The following MCPH1 variants were observed in gnomAD, a reference collection of about 807,000 sequenced individuals.
MCPH1 encodes microcephalin 1.
Under a neutral mutation model 84.5 loss-of-function variants are expected in MCPH1, and 104 were observed. That is an observed-to-expected ratio of 1.23 (90% CI 1.05 to 1.45). The LOEUF is 1.45. Ranked by LOEUF, MCPH1 falls within the 40% of genes most tolerant of loss-of-function variation. The pLI is 0.00. For missense variants in MCPH1, 1,498 were observed against 1,005.7 expected (o/e 1.49, Z -6.62); for synonymous variants, 514 against 366.8 (o/e 1.40, Z -4.58).
rs541783426 is a variant in MCPH1, at chr8:6,454,283, G to A, written c.1826-860G>A. On this transcript the variant is annotated intron_variant, in intron 8 of 13. Coordinates refer to ENST00000344683, the MANE Select transcript of MCPH1 (RefSeq NM_024596.5). ...CCAGTGGGTAGATGATTAGCTATTT[G>A]TTAATCATTAGGTAATCAACAGTGC... is the stretch of plus-strand genomic sequence containing the variant. 3.3e-5 allele frequency among the ~76,000 whole-genome samples: 5 copies of A among 152,276 alleles called. 1 individual carries two copies. The South Asian group carries it at 1.0e-3, about 32-fold the overall frequency.
chr8:6,498,081 G>C (rs762550152), intron 11 of MCPH1, among the ~76,000 whole-genome samples: 1 of 152,194 alleles, frequency 6.6e-6, no homozygotes, highest in South Asian at 2.1e-4. Flanking sequence ...CACAGATGCA[G>C]TTCCTATTTA....
Position 6,439,045 on chromosome 8 carries a change from G to T in MCPH1, c.529G>T (p.Glu177Ter). The T allele has an allele frequency of 6.2e-7, 1 of 1,613,374 alleles. No individual in the cohort carries two copies. The highest frequency in any genetic ancestry group is 1.1e-5 in the South Asian group (1 of 91,064). ...TAATAGTAGGCACCACAGCGCAATG[G>T]AGAAGAGATTACAAGAGATGAAGGA... ...EINSRHHSAMEKRLQEMKEKR... is the reference protein window; with the variant it reads ...EINSRHHSAM The change falls in exon 6 of 14, where the codon GAG becomes TAG. Residue 177 changes from glutamate to a stop codon, truncating the protein, a stop_gained. Transcript: ENST00000344683. LOFTEE classifies it high-confidence loss of function.
chr8:6,604,479 C>T (rs561667259), intron 12 of MCPH1, among the ~76,000 whole-genome samples: 1 of 152,168 alleles, frequency 6.6e-6, no homozygotes, highest in South Asian at 2.1e-4. Flanking sequence ...TGTGAGAGCA[C>T]ATGTCAGAAT....
At chr8:6,523,509 T>A (rs1046798975) in intron 12 of MCPH1, among the ~76,000 whole-genome samples, 5 of 152,348 alleles carry the variant, frequency 3.3e-5, no homozygotes, top group South Asian at 4.1e-4. Flanking sequence ...GAGTAGAGAC[T>A]ATGTATTTGA....
intron 12 of MCPH1, among the ~76,000 whole-genome samples, chr8:6,552,630 G>T (rs1432334727): frequency 6.6e-6 from 1 of 152,102 alleles, no homozygotes; most frequent in Non-Finnish European, 1.5e-5. Flanking sequence ...TCCTGCAATT[G>T]TGTAGCATCT....
intron 3 of MCPH1, among the ~76,000 whole-genome samples, chr8:6,427,479 C>G (rs1348527412): frequency 6.6e-6 from 1 of 152,132 alleles, no homozygotes; most frequent in African/African-American, 2.4e-5. Context: ...TCAAGCAATC[C>G]TCCTGCCTCA....
intron 12 of MCPH1, among the ~76,000 whole-genome samples, chr8:6,597,314 C>G (rs1829003532): frequency 6.6e-6 from 1 of 152,146 alleles, no homozygotes; most frequent in Non-Finnish European, 1.5e-5. Flanking sequence ...CAAGCCCCAG[C>G]GTTTCCCACC....
chr8:6,643,011 AAGG>A lies in MCPH1; in HGVS notation c.2471_2473del (p.Lys824_Val825delinsIle). On this transcript the variant is annotated inframe_deletion, in exon 14 of 14. Transcript: ENST00000344683. ...CTCTCTAGATTCCATCACCCAGCAC[AAGG>A]TCTGTGCCCCTGAAAACTACCTATT... The A allele has an allele frequency of 6.2e-7, 1 of 1,614,160 alleles. No homozygotes were observed. The highest frequency in any genetic ancestry group is 1.3e-5 in the African/African-American group (1 of 75,056).
intron 3 of MCPH1, among the ~76,000 whole-genome samples, chr8:6,420,748 T>C (rs567737944): frequency 2.6e-5 from 4 of 152,226 alleles, no homozygotes; most frequent in Non-Finnish European, 5.9e-5. Context: ...TTGTTTCTTA[T>C]ACATAAGCAA....
chr8:6,588,625 T>G (rs1586725198), intron 12 of MCPH1, among the ~76,000 whole-genome samples: 2 of 152,246 alleles, frequency 1.3e-5, no homozygotes, highest in African/African-American at 4.8e-5. Context: ...TGTTAAACCG[T>G]GTCTCTGGCG....
intron 1 of MCPH1, among the ~76,000 whole-genome samples, chr8:6,409,031 C>T (rs558221101): frequency 3.9e-5 from 6 of 152,166 alleles, no homozygotes; most frequent in African/African-American, 1.2e-4. Context: ...ATTACAGGTG[C>T]CCGCCACCAT....
intron 13 of MCPH1, among the ~76,000 whole-genome samples, chr8:6,640,373 A>G (rs555948697): frequency 7.2e-5 from 11 of 152,104 alleles, no homozygotes; most frequent in Non-Finnish European, 1.5e-4. Flanking sequence ...CCAGTACTGG[A>G]CATAACCCAT....
intron 2 of MCPH1, among the ~76,000 whole-genome samples, chr8:6,413,541 T>G (rs887589277): frequency 2.0e-5 from 3 of 151,906 alleles, no homozygotes; most frequent in Admixed American, 1.3e-4. Flanking sequence ...CTGTTGGATC[T>G]CCTGGTCTGA....
intron 12 of MCPH1, chr8:6,501,180 G>C (rs1812106888): frequency 6.6e-6 from 1 of 152,202 alleles, no homozygotes; most frequent in Non-Finnish European, 1.5e-5. Context: ...ACAGAGCCTT[G>C]ACTTTGCCAG....
intron 12 of MCPH1, among the ~76,000 whole-genome samples, chr8:6,571,177 T>C (rs1586671462): frequency 6.6e-6 from 1 of 152,228 alleles, no homozygotes; most frequent in African/African-American, 2.4e-5. Context: ...GTGGATACAA[T>C]TGTAAAACAA....
At chr8:6,435,986 G>T in intron 4 of MCPH1, 62 bp from the exon 5 acceptor site, 1 of 1,592,670 alleles carries the variant, frequency 6.3e-7, no homozygotes, top group Non-Finnish European at 8.5e-7. Flanking sequence ...ATGCGAAAGG[G>T]CTTTTTCTCC....
chr8:6,633,542 C>G (rs1797316685), intron 13 of MCPH1, among the ~76,000 whole-genome samples: 1 of 152,148 alleles, frequency 6.6e-6, no homozygotes, highest in African/African-American at 2.4e-5. Flanking sequence ...AAATTCCACA[C>G]CTGACCTCAT....
At chr8:6,436,535 T>C (rs1802662519) in intron 5 of MCPH1, among the ~76,000 whole-genome samples, 1 of 152,256 alleles carries the variant, frequency 6.6e-6, no homozygotes, top group Middle Eastern at 3.4e-3. Flanking sequence ...TTTGTTACCC[T>C]GAATAGGCAA....
At chr8:6,638,033 GAGCAGTGGTTTATTCAGTCTGCAGA>G (rs1200055799) in intron 13 of MCPH1, among the ~76,000 whole-genome samples, 2 of 152,188 alleles carry the variant, frequency 1.3e-5, no homozygotes, top group Non-Finnish European at 2.9e-5. Flanking sequence ...AGCACGGAAG[GAGCAGTGGTTTATTCAGTCTGCAGA>G]AGCAGTGCCT....
Sources: allele counts gnomAD v4.1 joint callset (sites outside exome capture counted in the v4.1 genomes callset), GRCh38; gene constraint gnomAD v4.1.1; transcripts MANE v1.5; gene names NCBI Gene and HGNC (gene_info 2026-07-23, HGNC 2026-07-21).